ALCAM: variants seen among roughly 807,000 people sequenced by gnomAD.
ALCAM encodes CD166 antigen.
Under a neutral mutation model 70.9 loss-of-function variants are expected in ALCAM, and 30 were observed. The observed-to-expected ratio is 0.42, with a 90% CI of 0.32 to 0.57. The LOEUF (loss-of-function observed/expected upper bound fraction) is 0.57. Ranked by LOEUF, ALCAM falls within the 20% of genes least tolerant of loss-of-function variation. ALCAM has a pLI of 0.11. For missense variants in ALCAM, 591 were observed against 695.1 expected (o/e 0.85, Z 1.68); for synonymous variants, 249 against 242.5 (o/e 1.03, Z -0.25).
chr3:105,566,219 G>A (rs369093877), intron 14 of ALCAM, among the ~76,000 whole-genome samples: 1 of 152,132 alleles, frequency 6.6e-6, no homozygotes, highest in Admixed American at 6.5e-5. Flanking sequence ...TGATACCAAG[G>A]GACAACTGTA....
At chr3:105,557,042 A>G (rs1054896534) in intron 14 of ALCAM, among the ~76,000 whole-genome samples, 2 of 151,988 alleles carry the variant, frequency 1.3e-5, no homozygotes, top group Non-Finnish European at 2.9e-5. Context: ...CAAATTCCAT[A>G]TAGTATTTTC....
At chr3:105,454,653 A>T (rs1367069241) in intron 1 of ALCAM, among the ~76,000 whole-genome samples, 1 of 61,754 alleles carries the variant, frequency 1.6e-5, no homozygotes. Flanking sequence ...ATGCTCATTA[A>T]TTTTTTTTTT....
At chr3:105,403,672 G>T (rs1292730818) in intron 1 of ALCAM, among the ~76,000 whole-genome samples, 1 of 151,780 alleles carries the variant, frequency 6.6e-6, no homozygotes, top group African/African-American at 2.4e-5. Flanking sequence ...CGACAAAAGA[G>T]GTTTCTTCAA....
chr3:105,485,544 A>G (rs565849157), intron 1 of ALCAM, among the ~76,000 whole-genome samples: 2 of 152,094 alleles, frequency 1.3e-5, no homozygotes, highest in Admixed American at 6.6e-5. Context: ...GTCTATAATA[A>G]TAAGTGGAAA....
At chr3:105,571,660 C>G (rs1940863738) in intron 14 of ALCAM, among the ~76,000 whole-genome samples, 192 bp from the exon 15 acceptor site, 2 of 152,022 alleles carry the variant, frequency 1.3e-5, no homozygotes, top group East Asian at 3.9e-4. Flanking sequence ...TTACTGGAAC[C>G]CCATCACCAA....
chr3:105,407,492 C>T (rs185757886), intron 1 of ALCAM, among the ~76,000 whole-genome samples: 2 of 152,176 alleles, frequency 1.3e-5, no homozygotes, highest in East Asian at 3.9e-4. Context: ...TCAATAGATG[C>T]AGAAAAGGCA....
rs777798239 is a variant in ALCAM, at chr3:105,379,592, TAGAA to T, written c.73+12117_73+12120del. ...TCTGTAATTTGAAAATATTAGAACT[TAGAA>T]AGAAAAATTTCCGATTGTTACAATG... On this transcript the variant is annotated intron_variant, in intron 1 of 15. Coordinates refer to ENST00000306107, the MANE Select transcript of ALCAM (RefSeq NM_001627.4). Among the ~76,000 whole-genome samples the T allele has an allele frequency of 4.1e-4, 63 of 151,886 alleles. 2 individuals carry two copies. The highest frequency in any genetic ancestry group is 3.1e-3 in the East Asian group (16 of 5,178).
intron 1 of ALCAM, among the ~76,000 whole-genome samples, chr3:105,400,547 G>A (rs1277469877): frequency 6.6e-6 from 1 of 152,146 alleles, no homozygotes; most frequent in Non-Finnish European, 1.5e-5. Context: ...ATTTAGAAGA[G>A]TAATACAGTA....
At position 105,566,243 on chromosome 3, in the gene ALCAM, C is replaced by T. The variant is rs1940739991; in HGVS notation, c.1665-5609C>T. 2.0e-5 allele frequency among the ~76,000 whole-genome samples: 3 copies of T among 152,316 alleles called. No individual in the cohort carries two copies. The South Asian group carries it at 6.2e-4, about 32-fold the overall frequency. On this transcript the variant is annotated intron_variant, in intron 14 of 15. Coordinates refer to ENST00000306107, the MANE Select transcript of ALCAM (RefSeq NM_001627.4). ...GGGACAACTGTACTATTTACTTCAT[C>T]AGGATCATACATATTAAATGTTGGT...
intron 14 of ALCAM, among the ~76,000 whole-genome samples, chr3:105,556,472 A>C (rs752236049): frequency 6.6e-6 from 1 of 151,990 alleles, no homozygotes; most frequent in Non-Finnish European, 1.5e-5. Flanking sequence ...ATATAGAAAT[A>C]ATCCGAAAAT....
chr3:105,416,280 T>C (rs1156821290), intron 1 of ALCAM, among the ~76,000 whole-genome samples: 2 of 152,052 alleles, frequency 1.3e-5, no homozygotes, highest in African/African-American at 2.4e-5. Flanking sequence ...AAGCTGTGTT[T>C]TTCCAAATGT....
intron 1 of ALCAM, among the ~76,000 whole-genome samples, chr3:105,505,946 C>G (rs1939062954): frequency 1.3e-5 from 2 of 152,068 alleles, no homozygotes; most frequent in African/African-American, 4.8e-5. Flanking sequence ...ATTTCCATAA[C>G]TTTATCTTTC....
rs191204528 is a variant in ALCAM at position 105,490,976 on chromosome 3, G to A, written c.74-29091G>A. Reference sequence around the variant, plus strand: ...CACATTTCCCTTCTGCACTGCCCTCGCAGAGGTTCTCCATGAAGGCCCCAC... The same window carrying A: ...CACATTTCCCTTCTGCACTGCCCTCACAGAGGTTCTCCATGAAGGCCCCAC... On this transcript the variant is annotated intron_variant, in intron 1 of 15. Coordinates refer to ENST00000306107, the MANE Select transcript of ALCAM (RefSeq NM_001627.4). Among the ~76,000 whole-genome samples, 359 of 152,268 alleles carry A rather than the reference G, an allele frequency of 2.4e-3. 3 individuals carry two copies. Among genetic ancestry groups the A allele is most frequent in the African/African-American group, 8.0e-3 (333 of 41,550 alleles).
At position 105,393,124 on chromosome 3, in the gene ALCAM, T is replaced by G. The variant is rs990554725; in HGVS notation, c.73+25643T>G. On this transcript the variant is annotated intron_variant, in intron 1 of 15. Coordinates refer to ENST00000306107, the MANE Select transcript of ALCAM (RefSeq NM_001627.4). ...CCCGTTAGGCTTGCGAATTTTTTTC[T>G]TATTTGTTACAATAAACCTACAAAC... Among the ~76,000 whole-genome samples the G allele has an allele frequency of 5.3e-5, 8 of 152,020 alleles. No homozygotes were observed. The East Asian group carries it at 1.6e-3, about 29-fold the overall frequency.
At chr3:105,468,315 T>C (rs978622590) in intron 1 of ALCAM, among the ~76,000 whole-genome samples, 6 of 151,292 alleles carry the variant, frequency 4.0e-5, no homozygotes, top group Non-Finnish European at 5.9e-5. Context: ...GTAAAAAGTT[T>C]GGTTAATCAA....
chr3:105,480,379 AAATAAATAAATT>A, intron 1 of ALCAM, among the ~76,000 whole-genome samples: 1 of 151,916 alleles, frequency 6.6e-6, no homozygotes, highest in Middle Eastern at 3.4e-3. Flanking sequence ...ATAAATAAAT[AAATAAATAAATT>A]GCTGCTCTAG....
rs1056030928 is a variant in ALCAM, at chr3:105,527,530, T to C, written c.394+3022T>C. 3.9e-5 allele frequency among the ~76,000 whole-genome samples: 6 copies of C among 152,054 alleles called. No homozygotes were observed. In the East Asian group the frequency reaches 1.2e-3, roughly 29 times the overall value. ...ACAGTTGAGGAAGGTAAGGAGCTAT[T>C]TCTACTTGATTAGTGAGGCTTCAGT... is the stretch of plus-strand genomic sequence containing the variant. On this transcript the variant is annotated intron_variant, in intron 3 of 15. Transcript: ENST00000306107.
At chr3:105,499,827 A>G (rs1347313115) in intron 1 of ALCAM, among the ~76,000 whole-genome samples, 2 of 152,220 alleles carry the variant, frequency 1.3e-5, no homozygotes, top group Non-Finnish European at 2.9e-5. Context: ...TCTAAGTACA[A>G]ATATGGCTAC....
chr3:105,430,527 A>G (rs1026592751), intron 1 of ALCAM, among the ~76,000 whole-genome samples: 6 of 152,150 alleles, frequency 3.9e-5, no homozygotes, highest in African/African-American at 1.2e-4. Flanking sequence ...GAGGAAAACA[A>G]CAGAGGCAAA....
Sources: gnomAD v4.1 joint callset for allele counts (sites outside exome capture counted in the v4.1 genomes callset) on GRCh38, gnomAD v4.1.1 for gene constraint, MANE v1.5 for transcripts, NCBI Gene and HGNC (gene_info 2026-07-23, HGNC 2026-07-21) for gene names.